MMP15: variants seen among roughly 807,000 people sequenced by gnomAD.
MMP15 encodes matrix metalloproteinase-15.
Under a neutral mutation model 65.0 loss-of-function variants are expected in MMP15, and 36 were observed. That is an observed-to-expected ratio of 0.55 (90% CI 0.42 to 0.73). The LOEUF (loss-of-function observed/expected upper bound fraction) is 0.73, where lower values mean the gene tolerates loss of function less well. Among genes scored for constraint, MMP15 ranks in the 30% least tolerant of loss-of-function variants. The pLI, the probability that MMP15 is intolerant of heterozygous loss-of-function variation, is 0.00. For missense variants in MMP15, 870 were observed against 987.8 expected, an observed-to-expected ratio of 0.88 and a Z score of 1.60; for synonymous variants, 428 against 410.2, an observed-to-expected ratio of 1.04 and a Z score of -0.52.
intron 6 of MMP15, 103 bp downstream of exon 6, chr16:58,041,973 T>G (rs1372569311): frequency 7.3e-7 from 1 of 1,377,158 alleles, no homozygotes; most frequent in Non-Finnish European, 9.7e-7. Context: ...CATTAAGCCC[T>G]CAGCTCTAGA....
intron 3 of MMP15, among the ~76,000 whole-genome samples, chr16:58,039,107 C>CCA (rs369540105): frequency 6.6e-6 from 1 of 152,158 alleles, no homozygotes; most frequent in African/African-American, 2.4e-5. Context: ...GAAGAAAGTA[C>CCA]CACACACACA....
intron 1 of MMP15, among the ~76,000 whole-genome samples, chr16:58,037,204 A>C (rs1298897798): frequency 6.6e-6 from 1 of 152,230 alleles, no homozygotes; most frequent in African/African-American, 2.4e-5. Flanking sequence ...GCTCTTGTAC[A>C]AATGGCTTTT....
intron 1 of MMP15, among the ~76,000 whole-genome samples, chr16:58,030,115 T>G (rs1963874587): frequency 6.6e-6 from 1 of 152,184 alleles, no homozygotes; most frequent in African/African-American, 2.4e-5. Context: ...GCTCCCTGTC[T>G]TGGACACTCC....
chr16:58,028,389 A>G (rs115982998), intron 1 of MMP15, among the ~76,000 whole-genome samples: 149 of 152,256 alleles, frequency 9.8e-4, no homozygotes, highest in African/African-American at 3.5e-3. Context: ...AGGAGCCTTG[A>G]ATGTTGGCAG....
rs372006759 is a variant in MMP15 at position 58,045,299 on chromosome 16, A to C, written c.1863A>C (p.Ala621=). 3 of 1,610,636 alleles carry C rather than the reference A, an allele frequency of 1.9e-6. No homozygotes were observed. Among genetic ancestry groups the C allele is most frequent in the East Asian group, 2.2e-5 (1 of 44,796 alleles). ...TGGTGGTGCAGATGGAGGAGGTGGC[A>C]CGGACGGTGAACGTGGTGATGGTGC... is the stretch of plus-strand genomic sequence containing the variant. ...SRVVVQMEEV[A]RTVNVVMVLV... Residue 621 remains alanine (A), a synonymous_variant, in exon 10 of 10, where the codon GCA becomes GCC. Transcript: ENST00000219271.
intron 1 of MMP15, among the ~76,000 whole-genome samples, chr16:58,029,964 G>A (rs1963873295): frequency 6.6e-6 from 1 of 152,044 alleles, no homozygotes; most frequent in African/African-American, 2.4e-5. Context: ...GTTTGGTCCA[G>A]ATGATCCCTT....
At chr16:58,037,364 CAGAT>C (rs749759774) in intron 1 of MMP15, 104 bp from the exon 2 acceptor site, 43 of 1,423,306 alleles carry the variant, frequency 3.0e-5, no homozygotes, top group South Asian at 9.1e-5. Context: ...GATGACGGCT[CAGAT>C]AGAGCAGCGG....
chr16:58,038,452 C>T, intron 3 of MMP15, 58 bp downstream of exon 3: 1 of 1,604,068 alleles, frequency 6.2e-7, no homozygotes. Context: ...AGCCTCAGAC[C>T]TCCTTTCCCA....
At chr16:58,041,970 C>A in intron 6 of MMP15, 100 bp downstream of exon 6, 1 of 1,389,386 alleles carries the variant, frequency 7.2e-7, no homozygotes, top group Non-Finnish European at 9.6e-7. Context: ...AGCCATTAAG[C>A]CCTCAGCTCT....
At position 58,028,078 on chromosome 16, in the gene MMP15, A is replaced by G. The variant is rs79724942; in HGVS notation, c.162+1566A>G. 1.3e-3 allele frequency among the ~76,000 whole-genome samples: 204 copies of G among 152,318 alleles called. 2 individuals are homozygous for G. Among genetic ancestry groups the G allele is most frequent in the Non-Finnish European group, 5.3e-4 (36 of 68,024 alleles). Reference sequence around the variant, plus strand: ...TCAATACATAGGAAGCAGTGATGGAATTCAATGGCCGTGCATTGCTAATGG... The same window carrying G: ...TCAATACATAGGAAGCAGTGATGGAGTTCAATGGCCGTGCATTGCTAATGG... On this transcript the variant is annotated intron_variant, in intron 1 of 9. Transcript: ENST00000219271.
Position 58,040,655 on chromosome 16 carries a change from C to G in MMP15, c.867C>G (p.Phe289Leu), listed in dbSNP as rs1567431099. ...PFYQWKDVDNFKLPEDDLRGI... is the reference protein window; with the variant it reads ...PFYQWKDVDNLKLPEDDLRGI... ...ACCAGTGGAAGGACGTTGACAACTT[C>G]AAGCTGCCCGAGGACGATCTCCGTG... The change falls in exon 5 of 10, where the codon TTC becomes TTG. Residue 289 changes from phenylalanine to leucine, a missense_variant. Transcript: ENST00000219271. 1 of 1,614,222 alleles carries G rather than the reference C, an allele frequency of 6.2e-7. No individual in the cohort carries two copies. Among genetic ancestry groups the G allele is most frequent in the Non-Finnish European group, 8.5e-7 (1 of 1,180,042 alleles).
intron 1 of MMP15, among the ~76,000 whole-genome samples, chr16:58,031,321 A>C (rs1963887187): frequency 6.6e-6 from 1 of 152,198 alleles, no homozygotes; most frequent in African/African-American, 2.4e-5. Flanking sequence ...GGCCCGATCC[A>C]GGTGGGAAAG....
At chr16:58,033,062 C>A (rs1367617589) in intron 1 of MMP15, among the ~76,000 whole-genome samples, 2 of 152,164 alleles carry the variant, frequency 1.3e-5, no homozygotes, top group African/African-American at 4.8e-5. Flanking sequence ...CCACCCCACT[C>A]CCACTCCCCC....
intron 1 of MMP15, among the ~76,000 whole-genome samples, chr16:58,035,079 C>T (rs948927404): frequency 2.0e-5 from 3 of 152,230 alleles, no homozygotes; most frequent in African/African-American, 4.8e-5. Context: ...GCCACTCCCC[C>T]GGCCTCCAGC....
chr16:58,027,721 C>T (rs925435624), intron 1 of MMP15, among the ~76,000 whole-genome samples: 1 of 152,212 alleles, frequency 6.6e-6, no homozygotes, highest in Non-Finnish European at 1.5e-5. Flanking sequence ...GGGAATTCCT[C>T]CTGGGCTCGA....
intron 1 of MMP15, among the ~76,000 whole-genome samples, chr16:58,029,446 T>C (rs1253653332): frequency 6.6e-6 from 1 of 152,210 alleles, no homozygotes; most frequent in African/African-American, 2.4e-5. Context: ...CCCCCTCCCC[T>C]CTTGTCTCTG....
Position 58,037,570 on chromosome 16 carries a change from G to A in MMP15, c.261G>A (p.Gln87=). The change falls in exon 2 of 10, where the codon CAG becomes CAA. Residue 87 remains glutamine, a synonymous_variant. Transcript: ENST00000219271. The part of the protein sequence containing the change: ...QILASALAEM[Q]RFYGIPVTGV... ...TGGCCTCGGCCCTTGCAGAGATGCA[G>A]CGCTTCTACGGGATCCCAGTCACCG... 1 of 1,614,202 alleles carries A rather than the reference G, an allele frequency of 6.2e-7. No individual in the cohort carries two copies. Among genetic ancestry groups the A allele is most frequent in the Non-Finnish European group, 8.5e-7 (1 of 1,180,046 alleles).
intron 5 of MMP15, 89 bp from the exon 6 acceptor site, chr16:58,041,528 C>T (rs960434007): frequency 9.9e-5 from 140 of 1,412,922 alleles, no homozygotes; most frequent in Admixed American, 2.0e-4. Context: ...TTTTACTTTC[C>T]GCGTGGGTGG....
In MMP15 at chr16:58,040,043, T is replaced by A. The variant is rs367898780; in HGVS notation, c.609T>A (p.Ser203=). ...KEADIMVLFA[S]GFHGDSSPFD... is the part of the protein sequence containing the mutation. ...CCGACATCATGGTACTCTTTGCCTC[T>A]GGCTTCCACGGCGACAGCTCGCCGT... is the stretch of plus-strand genomic sequence containing the variant. The change falls in exon 4 of 10, where the codon TCT becomes TCA. Residue 203 remains serine, a synonymous_variant. Coordinates refer to ENST00000219271, the MANE Select transcript of MMP15 (RefSeq NM_002428.4). The A allele has an allele frequency of 1.9e-6, 3 of 1,614,060 alleles. No individual in the cohort carries two copies. Among genetic ancestry groups the A allele is most frequent in the Non-Finnish European group, 2.5e-6 (3 of 1,180,062 alleles).
Sources: allele counts gnomAD v4.1 joint callset (sites outside exome capture counted in the v4.1 genomes callset), GRCh38; gene constraint gnomAD v4.1.1; transcripts MANE v1.5; gene names NCBI Gene and HGNC (gene_info 2026-07-23, HGNC 2026-07-21).